The following EXOC6 variants were observed in gnomAD, a reference collection of about 807,000 sequenced individuals.
EXOC6 encodes the protein exocyst complex component 6, also known as SEC15-like 1.
Under a neutral mutation model 112.5 loss-of-function variants are expected in EXOC6, and 60 were observed. The ratio of observed to expected loss-of-function variants is 0.53; its 90% CI spans 0.43 to 0.66. The LOEUF is 0.66. Ranked by LOEUF, EXOC6 falls within the 30% of genes least tolerant of loss-of-function variation. The probability of loss-of-function intolerance (pLI) is 0.00; values close to 1 mark genes in which losing one functional copy is unlikely to be tolerated. For missense variants in EXOC6, 855 were observed against 957.1 expected, an observed-to-expected ratio of 0.89 and a Z score of 1.41; for synonymous variants, 295 against 308.0, an observed-to-expected ratio of 0.96 and a Z score of 0.44.
chr10:92,908,500 T>A (rs553133487), intron 5 of EXOC6, among the ~76,000 whole-genome samples: 1 of 152,202 alleles, frequency 6.6e-6, no homozygotes, highest in African/African-American at 2.4e-5. Flanking sequence ...TACTATGTAA[T>A]TAATTTTTAA....
At chr10:92,839,028 G>A (rs1355670996) in intron 1 of EXOC6, among the ~76,000 whole-genome samples, 1 of 151,894 alleles carries the variant, frequency 6.6e-6, no homozygotes, top group African/African-American at 2.4e-5. Flanking sequence ...AGCCGAGATC[G>A]GGCCACTGCA....
chr10:92,949,981 C>G (rs561436239), intron 14 of EXOC6, among the ~76,000 whole-genome samples: 3 of 152,242 alleles, frequency 2.0e-5, no homozygotes, highest in African/African-American at 7.2e-5. Flanking sequence ...ACTCAGTAAT[C>G]TCTAATATCC....
intron 1 of EXOC6, among the ~76,000 whole-genome samples, chr10:92,842,987 C>CT (rs1302840461): frequency 6.6e-6 from 1 of 152,074 alleles, no homozygotes; most frequent in East Asian, 1.9e-4. Flanking sequence ...CCAGCCCTGT[C>CT]TGAGAGCTTA....
At chr10:92,899,119 G>A (rs1850005500) in intron 4 of EXOC6, among the ~76,000 whole-genome samples, 2 of 152,116 alleles carry the variant, frequency 1.3e-5, no homozygotes, top group Non-Finnish European at 2.9e-5. Context: ...TTCTTTCTTT[G>A]TGGATTTGGT....
chr10:92,870,812 C>T (rs751588419), intron 1 of EXOC6, among the ~76,000 whole-genome samples: 5 of 151,604 alleles, frequency 3.3e-5, no homozygotes, highest in Admixed American at 1.3e-4. Context: ...TGGTTCAAAG[C>T]GATTCTCCTG....
chr10:92,919,216 G>A (rs1851290375), intron 7 of EXOC6, among the ~76,000 whole-genome samples: 1 of 152,058 alleles, frequency 6.6e-6, no homozygotes, highest in African/African-American at 2.4e-5. Context: ...TACATTTAGA[G>A]GAGCTTGGTG....
chr10:92,982,075 C>T (rs4919312), intron 18 of EXOC6, among the ~76,000 whole-genome samples: 57,740 of 151,778 alleles, frequency 0.38, 11,284 homozygotes, highest in Middle Eastern at 0.49. Context: ...AAGATTGTGC[C>T]ACTGCACTCC....
chr10:92,849,522 A>C (rs374535771), intron 1 of EXOC6, among the ~76,000 whole-genome samples: 6 of 152,188 alleles, frequency 3.9e-5, no homozygotes, highest in African/African-American at 1.4e-4. Flanking sequence ...TTCCTTTTAC[A>C]TATAAGGTTT....
At chr10:92,879,708 A>G (rs1564796079) in intron 1 of EXOC6, among the ~76,000 whole-genome samples, 1 of 152,190 alleles carries the variant, frequency 6.6e-6, no homozygotes. Context: ...TTTTCAATAT[A>G]TGTAACTTTT....
intron 17 of EXOC6, among the ~76,000 whole-genome samples, chr10:92,968,542 G>A (rs879554651): frequency 6.6e-6 from 1 of 151,838 alleles, no homozygotes. Context: ...TCTCCCTTAC[G>A]TAAAAATAAC....
chr10:93,023,304 TC>T (rs1403526049), intron 20 of EXOC6, among the ~76,000 whole-genome samples: 28 of 152,090 alleles, frequency 1.8e-4, no homozygotes, highest in Admixed American at 1.8e-3. Context: ...TAGAACCATA[TC>T]AAAGCTGAAG....
upstream of EXOC6, among the ~76,000 whole-genome samples, chr10:92,845,649 A>C (rs897594503): frequency 3.9e-5 from 6 of 151,912 alleles, no homozygotes; most frequent in Non-Finnish European, 7.4e-5. Context: ...ATTAAAATGT[A>C]CAGTTAGGGC....
chr10:92,907,750 T>C (rs1850523173), intron 5 of EXOC6, among the ~76,000 whole-genome samples: 2 of 152,196 alleles, frequency 1.3e-5, no homozygotes, highest in African/African-American at 4.8e-5. Context: ...TAAAATGTTA[T>C]GCATTACACT....
At chr10:92,859,821 A>ATATG (rs1491101635) in intron 1 of EXOC6, among the ~76,000 whole-genome samples, 1 of 141,594 alleles carries the variant, frequency 7.1e-6, no homozygotes, top group Non-Finnish European at 1.5e-5. Flanking sequence ...GTTTGTGTGC[A>ATATG]TGTGTGTGTG....
rs376812823 is a variant in EXOC6, at chr10:92,915,808, G to T, written c.714G>T (p.Met238Ile). The change falls in exon 7 of 22, where the codon ATG becomes ATT. Residue 238 changes from methionine (M) to isoleucine (I), a missense_variant. Around this residue, in one of 2 missense-constraint regions of EXOC6, gnomAD observed 405 missense variants for 393.6 expected, o/e 1.03. Coordinates refer to ENST00000260762, the MANE Select transcript of EXOC6 (RefSeq NM_019053.6). ...TTTCTCTGCAGAAACAAAATAAAAT[G>T]AAATTTGGGAAAAATATGTATATAA... ...FSVSLQKQNK[M>I]KFGKNMYINR... is the part of the protein sequence containing the mutation. 3 of 1,534,426 alleles carry T rather than the reference G, an allele frequency of 2.0e-6. No homozygotes were observed. In the African/African-American group the frequency reaches 4.3e-5, roughly 22 times the overall value.
intron 8 of EXOC6, among the ~76,000 whole-genome samples, chr10:92,926,630 C>T (rs1851741872): frequency 6.6e-6 from 1 of 152,032 alleles, no homozygotes; most frequent in Non-Finnish European, 1.5e-5. Context: ...AACTCCCAAA[C>T]TCAAACGATC....
chr10:92,885,579 A>G (rs372459877), intron 1 of EXOC6, among the ~76,000 whole-genome samples: 1 of 152,028 alleles, frequency 6.6e-6, no homozygotes, highest in African/African-American at 2.4e-5. Flanking sequence ...GCGTTTCACC[A>G]TATTGGCCAG....
At chr10:92,924,669 A>AT (rs755542484) in intron 8 of EXOC6, among the ~76,000 whole-genome samples, 2 of 152,236 alleles carry the variant, frequency 1.3e-5, no homozygotes, top group African/African-American at 2.4e-5. Context: ...ATAGGGGTGC[A>AT]TTTTTTAATG....
chr10:92,944,677 G>A lies in EXOC6; in HGVS notation c.1311-3597G>A, dbSNP rs191584925. Among the ~76,000 whole-genome samples, 8 of 152,084 alleles carry A rather than the reference G, an allele frequency of 5.3e-5. No homozygotes were observed. The East Asian group carries it at 1.4e-3, about 26-fold the overall frequency. ...ATTAATTTACATTGCCACCAACAGC[G>A]TGCAAAGGTTCCCTTTCTCCACATC... On this transcript the variant is annotated intron_variant, in intron 13 of 21. Transcript: ENST00000260762.
Sources: gnomAD v4.1 joint callset for allele counts (sites outside exome capture counted in the v4.1 genomes callset) on GRCh38, gnomAD v4.1.1 for gene constraint, gnomAD v4.1.1 regional missense constraint, MANE v1.5 for transcripts, NCBI Gene and HGNC (gene_info 2026-07-23, HGNC 2026-07-21) for gene names.